Variants in SOX6 observed in about 807,000 individuals in gnomAD.
SOX6 encodes the protein SRY-box transcription factor 6.
Under a neutral mutation model 97.8 loss-of-function variants are expected in SOX6, and 11 were observed. The observed-to-expected ratio is 0.11, with a 90% CI of 0.07 to 0.19. The LOEUF (loss-of-function observed/expected upper bound fraction) is 0.19. SOX6 is among the 10% of genes least tolerant of loss of function. The probability of loss-of-function intolerance (pLI) is 1.00; values close to 1 mark genes in which losing one functional copy is unlikely to be tolerated. For missense variants in SOX6, 810 were observed against 1,039.5 expected (o/e 0.78, Z 3.04); for synonymous variants, 360 against 371.4 (o/e 0.97, Z 0.35).
At chr11:16,243,156 ATAAT>A (rs1228330076) in intron 3 of SOX6, among the ~76,000 whole-genome samples, 4 of 152,030 alleles carry the variant, frequency 2.6e-5, no homozygotes, top group African/African-American at 9.7e-5. Context: ...CTCAAGGAAA[ATAAT>A]TAACACTTGC....
chr11:16,316,680 C>T (rs1855766237), intron 3 of SOX6: 1 of 152,020 alleles, frequency 6.6e-6, no homozygotes, highest in Non-Finnish European at 1.5e-5. Context: ...TTTATTTTTA[C>T]ATTAAAGACT....
At chr11:16,249,522 C>T (rs1026312339) in intron 3 of SOX6, among the ~76,000 whole-genome samples, 1 of 152,166 alleles carries the variant, frequency 6.6e-6, no homozygotes, top group Admixed American at 6.5e-5. Context: ...TCCACATCTT[C>T]CTATCTTCTT....
intron 4 of SOX6, among the ~76,000 whole-genome samples, chr11:16,560,769 G>A (rs1161461482): frequency 1.3e-5 from 2 of 152,090 alleles, no homozygotes; most frequent in Non-Finnish European, 2.9e-5. Flanking sequence ...ACACAAACTG[G>A]AAGGAAGGAA....
chr11:16,479,852 T>C (rs1488532990), upstream of SOX6, among the ~76,000 whole-genome samples: 1 of 152,090 alleles, frequency 6.6e-6, no homozygotes, highest in Non-Finnish European at 1.5e-5. Flanking sequence ...TCAACGCTAC[T>C]TTCAAAAATT....
chr11:16,649,897 A>G lies in SOX6; in HGVS notation n.430-37637T>C, dbSNP rs148317854. Among the ~76,000 whole-genome samples, 535 of 152,256 alleles carry G rather than the reference A, an allele frequency of 3.5e-3. 8 individuals carry two copies. The highest frequency in any genetic ancestry group is 0.012 in the African/African-American group (509 of 41,552). ...CTGCTGTCTTCAAGAGACTCACCCA[A>G]CACATAAGGACTCACATAACCGAAA... is the stretch of plus-strand genomic sequence containing the variant. On this transcript the variant is annotated intron_variant and non_coding_transcript_variant, in intron 3 of 5. Coordinates refer to the SOX6 transcript ENST00000524520.
At position 16,569,868 on chromosome 11, in the gene SOX6, C is replaced by CAAAAAAAAAAAA. The variant is rs34604334; in HGVS notation, n.609+42201_609+42212dup. On this transcript the variant is annotated intron_variant and non_coding_transcript_variant, in intron 4 of 5. Transcript: ENST00000524520. ...TGGGTGACTGATCAAGACTCCGTCT[C>CAAAAAAAAAAAA]AAAAAAAAAAAAAAAAAGATATACT... 8.4e-4 allele frequency among the ~76,000 whole-genome samples: 71 copies of CAAAAAAAAAAAA among 84,772 alleles called. 2 individuals are homozygous for CAAAAAAAAAAAA. The highest frequency in any genetic ancestry group is 3.2e-3 in the African/African-American group (52 of 16,084). 55.6% of individuals were successfully genotyped at this position (84,772 alleles called of 152,430 possible).
Position 16,032,212 on chromosome 11 carries a change from C to T in SOX6, c.1623+14302G>A, listed in dbSNP as rs577528948. Among the ~76,000 whole-genome samples the T allele has an allele frequency of 2.0e-5, 3 of 152,144 alleles. No homozygotes were observed. In the South Asian group the frequency reaches 6.2e-4, roughly 32 times the overall value. ...TCCTTCAAGTTACCAATAATGGTAA[C>T]AGTGTGGTGCAGTAAAAAGTATAGA... On this transcript the variant is annotated intron_variant, in intron 12 of 15. Coordinates refer to ENST00000683767, the MANE Select transcript of SOX6 (RefSeq NM_001367873.1).
At chr11:16,554,723 T>C (rs1847731850) in intron 4 of SOX6, among the ~76,000 whole-genome samples, 3 of 152,100 alleles carry the variant, frequency 2.0e-5, no homozygotes, top group Non-Finnish European at 1.5e-5. Context: ...CTATTTCTTA[T>C]AAACTATTAG....
intron 4 of SOX6, among the ~76,000 whole-genome samples, chr11:16,511,649 T>C (rs1177603245): frequency 1.3e-5 from 2 of 152,154 alleles, no homozygotes; most frequent in Non-Finnish European, 2.9e-5. Context: ...TTGTCTGCAG[T>C]GGTGAATCAG....
At chr11:16,023,134 C>T (rs572348462) in intron 12 of SOX6, 1 of 152,244 alleles carries the variant, frequency 6.6e-6, no homozygotes, top group East Asian at 1.9e-4. Flanking sequence ...TTCCTTCCAC[C>T]AGCCCTGGGA....
upstream of SOX6, among the ~76,000 whole-genome samples, chr11:16,479,369 A>C (rs1860305054): frequency 2.0e-5 from 3 of 152,218 alleles, no homozygotes; most frequent in Non-Finnish European, 4.4e-5. Context: ...ATTTCTACTA[A>C]GAATACAAAA....
At chr11:16,476,395 A>G (rs1167910467), upstream of SOX6, 1 of 152,430 alleles carries the variant, frequency 6.6e-6, no homozygotes. Flanking sequence ...TGACCTGAAA[A>G]TTTAATAGAA....
At chr11:16,132,831 A>C (rs1198283454) in intron 6 of SOX6, among the ~76,000 whole-genome samples, 1 of 152,182 alleles carries the variant, frequency 6.6e-6, no homozygotes, top group Non-Finnish European at 1.5e-5. Context: ...AAACCTGAGC[A>C]GCCTATTCCT....
At chr11:16,503,400 C>A (rs1012635198) in intron 4 of SOX6, among the ~76,000 whole-genome samples, 2 of 152,088 alleles carry the variant, frequency 1.3e-5, no homozygotes, top group African/African-American at 4.8e-5. Flanking sequence ...GCAAAGCAAA[C>A]AGAAATCAAT....
intron 1 of SOX6, among the ~76,000 whole-genome samples, chr11:16,429,809 A>C (rs894434343): frequency 1.3e-5 from 2 of 152,144 alleles, no homozygotes; most frequent in African/African-American, 4.8e-5. Flanking sequence ...AAACATGTAC[A>C]CTTGAATGTA....
intron 9 of SOX6, 64 bp downstream of exon 9, chr11:16,095,932 G>C: frequency 2.3e-6 from 3 of 1,299,484 alleles, no homozygotes; most frequent in Non-Finnish European, 3.2e-6. Context: ...AAAAAAAAAA[G>C]CCTAGAGTAT....
chr11:16,034,852 G>A (rs996125284), intron 12 of SOX6, among the ~76,000 whole-genome samples: 5 of 152,110 alleles, frequency 3.3e-5, no homozygotes, highest in African/African-American at 1.2e-4. Flanking sequence ...GGTGCACACT[G>A]AGATAGACAC....
chr11:16,156,464 C>G (rs1253997508), intron 6 of SOX6, among the ~76,000 whole-genome samples: 1 of 152,002 alleles, frequency 6.6e-6, no homozygotes, highest in Non-Finnish European at 1.5e-5. Flanking sequence ...ATCTGTATTT[C>G]TAACCCAGAC....
chr11:15,989,258 A>G lies in SOX6; in HGVS notation c.1733-28T>C, dbSNP rs906981615. 4.5e-6 allele frequency: 7 copies of G among 1,556,938 alleles called. No individual in the cohort carries two copies. In the African/African-American group the frequency reaches 8.2e-5, roughly 18 times the overall value. On this transcript the variant is annotated intron_variant, in intron 13 of 15. Coordinates refer to ENST00000683767, the MANE Select transcript of SOX6 (RefSeq NM_001367873.1). ...GTAATGTCAGGGCAGGAAGAACAAG[A>G]TGAGTGGAAAGCGTTATTTTGTGGA...
Sources: gnomAD v4.1 joint callset for allele counts (sites outside exome capture counted in the v4.1 genomes callset) on GRCh38, gnomAD v4.1.1 for gene constraint, MANE v1.5 for transcripts, NCBI Gene and HGNC (gene_info 2026-07-23, HGNC 2026-07-21) for gene names.